The following NBPF14 variants were observed in gnomAD, a reference collection of about 807,000 sequenced individuals.
NBPF14 encodes the protein NBPF member 14, also known as NBPF family member NBPF14.
A neutral mutation model predicts 91.2 loss-of-function variants in NBPF14; 104 were observed. The ratio of observed to expected loss-of-function variants is 1.14; its 90% CI spans 0.97 to 1.34. The LOEUF is 1.34. NBPF14 is among the 40% of genes most tolerant of loss of function. The pLI, the probability that NBPF14 is intolerant of heterozygous loss-of-function variation, is 0.00. For synonymous variants in NBPF14, 294 were observed against 303.8 expected, an observed-to-expected ratio of 0.97 and a Z score of 0.34; for missense variants, 908 against 783.0, an observed-to-expected ratio of 1.16 and a Z score of -1.91.
At chr1:148,566,238 G>A (rs1304828252) in exon 29 of NBPF14, 3 of 609,760 alleles carry the variant, frequency 4.9e-6, no homozygotes, top group African/African-American at 5.3e-5. Flanking sequence ...AAGACAACTG[G>A]AAGGAGTTGA....
At chr1:148,557,710 T>A (rs1405737075) in intron 39 of NBPF14, among the ~76,000 whole-genome samples, 168 bp from the exon 40 acceptor site, 2 of 130,420 alleles carry the variant, frequency 1.5e-5, no homozygotes, top group Non-Finnish European at 3.1e-5. Context: ...TATTCCTTGC[T>A]TTGCATCTCA....
chr1:148,533,126 A>G, exon 71 of NBPF14: 1 of 812,924 alleles, frequency 1.2e-6, no homozygotes, highest in South Asian at 1.8e-5. Flanking sequence ...TGAGTAAAAC[A>G]CACTTCTGTA....
At chr1:148,593,261 TCTCA>T (rs1255834881) in intron 3 of NBPF14, among the ~76,000 whole-genome samples, 1 of 148,816 alleles carries the variant, frequency 6.7e-6, no homozygotes, top group Non-Finnish European at 1.5e-5. Flanking sequence ...AGGAGGTGAT[TCTCA>T]CTAAGGGTAA....
intron 36 of NBPF14, among the ~76,000 whole-genome samples, chr1:148,560,199 G>T (rs1198297558): frequency 2.0e-5 from 3 of 151,248 alleles, no homozygotes; most frequent in Non-Finnish European, 4.4e-5. Flanking sequence ...GAGACAGAGA[G>T]AAAGTGACCT....
intron 68 of NBPF14, 42 bp downstream of exon 68, chr1:148,535,411 G>C (rs1654953461): frequency 2.0e-6 from 1 of 504,364 alleles, no homozygotes; most frequent in Non-Finnish European, 3.4e-6. Context: ...GCATCTCCAG[G>C]TGTCAACACA....
chr1:148,533,168 A>C, exon 71 of NBPF14: 1 of 699,900 alleles, frequency 1.4e-6, no homozygotes, highest in Non-Finnish European at 2.1e-6. Context: ...TTCAAAGTAC[A>C]TTGACGGAGT....
chr1:148,594,917 C>A (rs1215393717), intron 2 of NBPF14, among the ~76,000 whole-genome samples: 1 of 109,508 alleles, frequency 9.1e-6, no homozygotes, highest in Non-Finnish European at 1.8e-5. Flanking sequence ...AGGCTAGTCT[C>A]AAACTGCTGA....
chr1:148,535,325 C>A lies in NBPF14; in HGVS notation c.8441+128G>T, dbSNP rs1476795805. ...AAACATCTACTGCAATGAAAACCAA[C>A]AGCAATGTCAGTAGGAGTAATTCAA... On this transcript the variant is annotated intron_variant, in intron 68 of 70. Transcript: ENST00000619423. The A allele has an allele frequency of 6.7e-6, 4 of 601,146 alleles. No individual in the cohort carries two copies. The Admixed American group carries it at 9.0e-5, about 14-fold the overall frequency. 37.2% of individuals were successfully genotyped at this position (601,146 alleles called of 1,614,324 possible).
intron 69 of NBPF14, among the ~76,000 whole-genome samples, chr1:148,534,461 C>A (rs1321636546): frequency 2.0e-5 from 3 of 151,814 alleles, no homozygotes; most frequent in South Asian, 2.1e-4. Context: ...GATCAGGGCG[C>A]CACAGGTATG....
At chr1:148,594,744 C>A (rs1663038995) in intron 2 of NBPF14, among the ~76,000 whole-genome samples, 1 of 78,776 alleles carries the variant, frequency 1.3e-5, no homozygotes, top group Non-Finnish European at 2.1e-5. Flanking sequence ...GTCACCCATG[C>A]TGGAGTGCAA....
At chr1:148,534,512 C>G (rs1363920181) in intron 69 of NBPF14, among the ~76,000 whole-genome samples, 172 bp downstream of exon 69, 1 of 151,792 alleles carries the variant, frequency 6.6e-6, no homozygotes, top group African/African-American at 2.4e-5. Flanking sequence ...TGACCCATTT[C>G]ATGTCTAGGC....
chr1:148,593,213 C>T (rs1264352416), intron 3 of NBPF14, among the ~76,000 whole-genome samples: 17 of 148,396 alleles, frequency 1.1e-4, no homozygotes, highest in African/African-American at 3.2e-4. Context: ...GAGGAGGCAA[C>T]ATTGATTGAG....
intron 66 of NBPF14, among the ~76,000 whole-genome samples, 190 bp from the exon 67 acceptor site, chr1:148,536,586 C>CAGACAG (rs1461659646): frequency 4.7e-4 from 32 of 67,642 alleles, no homozygotes; most frequent in Admixed American, 1.0e-3. Context: ...AAGAGAAAGA[C>CAGACAG]AGACAGAGAC....
At chr1:148,586,863 G>A (rs1661619129) in intron 8 of NBPF14, among the ~76,000 whole-genome samples, 1 of 139,966 alleles carries the variant, frequency 7.1e-6, no homozygotes, top group Non-Finnish European at 1.6e-5. Flanking sequence ...AGGTGCAGAT[G>A]GGGCGAATTG....
At position 148,538,227 on chromosome 1, in the gene NBPF14, C is replaced by T. The variant is rs1461825940; in HGVS notation, c.7935-221G>A. Among the ~76,000 whole-genome samples the T allele has an allele frequency of 1.5e-4, 11 of 73,598 alleles. 1 individual carries two copies. Among genetic ancestry groups the T allele is most frequent in the Non-Finnish European group, 2.9e-4 (11 of 37,448 alleles). 48.3% of individuals were successfully genotyped at this position (73,598 alleles called of 152,430 possible). On this transcript the variant is annotated intron_variant, in intron 64 of 70. Coordinates refer to ENST00000619423, the Ensembl canonical transcript of NBPF14. ...AGACACACACACACACACACACACACACACACACACACACACACACAGAGA... is the reference window on the plus strand; with the variant it reads ...AGACACACACACACACACACACACATACACACACACACACACACACAGAGA...
At chr1:148,534,905 CA>C (rs1429820168) in intron 68 of NBPF14, 49 bp from the exon 69 acceptor site, 2 of 718,176 alleles carry the variant, frequency 2.8e-6, no homozygotes, top group East Asian at 2.6e-5. Flanking sequence ...AATCAGAAAC[CA>C]CACAGCCCCA....
At position 148,592,616 on chromosome 1, in the gene NBPF14, G is replaced by A. The variant is rs1351677918; in HGVS notation, c.429C>T (p.Asp143=). The stretch of plus-strand genomic sequence containing the variant: ...ACCCCTCAGCCAGCTGTTCTTGGAG[G>A]TCCTGCCCCTGGGACTTGTCCGGCT... Residue 143 remains aspartate, a synonymous_variant, in exon 4 of 71, where the codon GAC becomes GAT. Coordinates refer to ENST00000619423, the Ensembl canonical transcript of NBPF14. The A allele has an allele frequency of 3.8e-6, 6 of 1,574,832 alleles. No individual in the cohort carries two copies. In the African/African-American group the frequency reaches 6.9e-5, roughly 18 times the overall value.
At chr1:148,593,896 G>C (rs1341398793) in intron 2 of NBPF14, among the ~76,000 whole-genome samples, 196 bp from the exon 3 acceptor site, 5 of 150,012 alleles carry the variant, frequency 3.3e-5, no homozygotes, top group African/African-American at 4.9e-5. Flanking sequence ...TAAAGACGAA[G>C]AAAGAGAAAC....
At chr1:148,557,376 T>A in intron 40 of NBPF14, 115 bp downstream of exon 40, 4 of 489,994 alleles carry the variant, frequency 8.2e-6, no homozygotes, top group Non-Finnish European at 1.4e-5. Flanking sequence ...TTAGTAGGAA[T>A]AATTCAGGCT....
Sources: gnomAD v4.1 joint callset for allele counts (sites outside exome capture counted in the v4.1 genomes callset) on GRCh38, gnomAD v4.1.1 for gene constraint, MANE v1.5 for transcripts, NCBI Gene and HGNC (gene_info 2026-07-23, HGNC 2026-07-21) for gene names.